Variants in CREBZF observed in about 807,000 individuals in gnomAD.
CREBZF encodes the protein HCF-binding transcription factor Zhangfei.
CREBZF carries 8 observed loss-of-function variants against 21.1 expected under a neutral mutation model. The ratio of observed to expected loss-of-function variants is 0.38; its 90% CI spans 0.22 to 0.68. The LOEUF is 0.68. Among genes scored for constraint, CREBZF ranks in the 30% least tolerant of loss-of-function variants. The pLI, the probability that CREBZF is intolerant of heterozygous loss-of-function variation, is 0.51. For missense variants in CREBZF, 518 were observed against 484.3 expected, an observed-to-expected ratio of 1.07 and a Z score of -0.65; for synonymous variants, 270 against 223.3, an observed-to-expected ratio of 1.21 and a Z score of -1.86.
At chr11:85,675,971 T>C (rs2082939620) in intron 1 of CREBZF, among the ~76,000 whole-genome samples, 2 of 152,352 alleles carry the variant, frequency 1.3e-5, no homozygotes, top group South Asian at 4.1e-4. Flanking sequence ...GTGTGCTAGC[T>C]GTATTATATT....
chr11:85,660,388 C>T lies in CREBZF; in HGVS notation c.*3423G>A. ...TTAGTCTCATGTATCTCTATTAAGT[C>T]TTTCAAGGATTCCAGAGAATCTTTT... On this transcript the variant is annotated 3_prime_UTR_variant, in exon 1 of 1. Coordinates refer to ENST00000527447, the MANE Select transcript of CREBZF (RefSeq NM_001039618.4). 1 of 290,256 alleles carries T rather than the reference C, an allele frequency of 3.4e-6. No individual in the cohort carries two copies. The highest frequency in any genetic ancestry group is 6.8e-6 in the Non-Finnish European group (1 of 147,974). 18.0% of individuals were successfully genotyped at this position (290,256 alleles called of 1,614,324 possible). A position where few individuals can be genotyped will look rare whatever the true frequency, so the allele number is the denominator to read the frequency against.
chr11:85,671,262 A>T (rs2082909630), intron 1 of CREBZF, among the ~76,000 whole-genome samples: 1 of 152,142 alleles, frequency 6.6e-6, no homozygotes, highest in Non-Finnish European at 1.5e-5. Context: ...AGCATAGAAA[A>T]ATTTGCCCCC....
rs1262133042 is a variant in CREBZF, at chr11:85,664,069, T to C, written c.807A>G (p.Ala269=). The change falls in exon 1 of 1, where the codon GCA becomes GCG. Residue 269 remains alanine (A), a synonymous_variant. Transcript: ENST00000527447. The surrounding 1 kb of genome is among the most constrained non-coding windows in gnomAD (Gnocchi z 5.5). ...ALQEESRYLR[A]VLANETGLAR... ...CCAGTCCAGTCTCGTTGGCTAAGAC[T>C]GCCCGTAGGTAGCGACTCTCCTCCT... 6.2e-7 allele frequency: 1 copy of C among 1,613,686 alleles called. No individual in the cohort carries two copies.
Position 85,663,633 on chromosome 11 carries a change from C to A in CREBZF, c.*178G>T. 1.3e-6 allele frequency: 2 copies of A among 1,582,446 alleles called. No homozygotes were observed. The highest frequency in any genetic ancestry group is 2.3e-5 in the East Asian group (1 of 43,124). On this transcript the variant is annotated 3_prime_UTR_variant, in exon 1 of 1. Transcript: ENST00000527447. Reference sequence around the variant, plus strand: ...GAGAGATTTAATAGTCACATGTTATCATTAGGAGTTGGTTACTGTGTCACA... The same window carrying A: ...GAGAGATTTAATAGTCACATGTTATAATTAGGAGTTGGTTACTGTGTCACA...
intron 1 of CREBZF, among the ~76,000 whole-genome samples, chr11:85,671,939 G>T (rs2082914524): frequency 6.6e-6 from 1 of 152,264 alleles, no homozygotes; most frequent in South Asian, 2.1e-4. Flanking sequence ...TGTGGACTCT[G>T]TGTGGGCATT....
At chr11:85,667,135 G>A (rs978173199), upstream of CREBZF, among the ~76,000 whole-genome samples, 3 of 152,302 alleles carry the variant, frequency 2.0e-5, no homozygotes, top group Admixed American at 6.5e-5. Context: ...CGAGGCAAGA[G>A]GATTGCCTGA....
chr11:85,677,945 G>T (rs1011476375), intron 1 of CREBZF, among the ~76,000 whole-genome samples: 2 of 152,158 alleles, frequency 1.3e-5, no homozygotes, highest in Non-Finnish European at 2.9e-5. Flanking sequence ...TTACTTAGGA[G>T]CCAATATGTT....
Position 85,661,972 on chromosome 11 carries a change from A to G in CREBZF, c.*1839T>C, listed in dbSNP as rs942434180. 1.3e-5 allele frequency: 2 copies of G among 148,494 alleles called. No individual in the cohort carries two copies. Among genetic ancestry groups the G allele is most frequent in the Admixed American group, 6.7e-5 (1 of 14,816 alleles). 9.2% of individuals were successfully genotyped at this position (148,494 alleles called of 1,614,324 possible). A position where few individuals can be genotyped will look rare whatever the true frequency, so the allele number is the denominator to read the frequency against. ...AACTACTTTTGGTTTATATATATAT[A>G]TATATATGTATATATATATATAATT... is the stretch of plus-strand genomic sequence containing the variant. On this transcript the variant is annotated 3_prime_UTR_variant, in exon 1 of 1. Coordinates refer to ENST00000527447, the MANE Select transcript of CREBZF (RefSeq NM_001039618.4).
chr11:85,667,623 G>T (rs965556089), upstream of CREBZF, among the ~76,000 whole-genome samples: 2 of 151,996 alleles, frequency 1.3e-5, no homozygotes, highest in Admixed American at 1.3e-4. Flanking sequence ...ACTAGGGGTG[G>T]AGTTGTAAAG....
intron 1 of CREBZF, among the ~76,000 whole-genome samples, chr11:85,673,556 G>T (rs780145010): frequency 6.6e-6 from 1 of 152,154 alleles, no homozygotes; most frequent in African/African-American, 2.4e-5. Context: ...CTTTTTGCTG[G>T]TGGAGGGTCT....
At chr11:85,665,160 G>T (rs532812096), upstream of CREBZF, 619 of 390,052 alleles carry the variant, frequency 1.6e-3, 1 homozygote, top group Admixed American at 2.2e-3. Context: ...CGCCCACCGC[G>T]TTTCGCGCGC....
upstream of CREBZF, among the ~76,000 whole-genome samples, chr11:85,665,863 C>T (rs1360337574): frequency 6.6e-6 from 1 of 152,146 alleles, no homozygotes; most frequent in Non-Finnish European, 1.5e-5. Context: ...AGAGGGTACT[C>T]ATGCTTGTAT....
rs2082578829 is a variant in CREBZF, at chr11:85,658,434, C to T, written c.*5377G>A. Among the ~76,000 whole-genome samples the T allele has an allele frequency of 6.6e-6, 1 of 151,968 alleles. No individual in the cohort carries two copies. The highest frequency in any genetic ancestry group is 2.1e-4 in the South Asian group (1 of 4,832). On this transcript the variant is annotated 3_prime_UTR_variant, in exon 1 of 1. Transcript: ENST00000527447. ...CTTTTCCATTAGCAGAAATGGGCAA[C>T]ATAAGCAATAAATCATGTTAAGTCT... is the stretch of plus-strand genomic sequence containing the variant.
chr11:85,668,959 G>T (rs543122298), upstream of CREBZF, among the ~76,000 whole-genome samples: 9 of 119,340 alleles, frequency 7.5e-5, no homozygotes, highest in South Asian at 2.0e-3. Flanking sequence ...CCGAGATCGC[G>T]CCACTGCACT....
chr11:85,676,040 T>C (rs755121107), intron 1 of CREBZF, among the ~76,000 whole-genome samples: 2 of 152,258 alleles, frequency 1.3e-5, no homozygotes, highest in Non-Finnish European at 2.9e-5. Flanking sequence ...ATGAGAATTA[T>C]ACTATTGTGG....
At chr11:85,682,385 C>T (rs1288412565) in intron 1 of CREBZF, among the ~76,000 whole-genome samples, 1 of 152,148 alleles carries the variant, frequency 6.6e-6, no homozygotes, top group Non-Finnish European at 1.5e-5. Flanking sequence ...GCTTTCTACT[C>T]TCATTTCCCA....
chr11:85,675,841 T>C (rs2082938741), intron 1 of CREBZF, among the ~76,000 whole-genome samples: 1 of 152,188 alleles, frequency 6.6e-6, no homozygotes, highest in African/African-American at 2.4e-5. Flanking sequence ...AGTGAGACCA[T>C]GAGGGGACAT....
Position 85,665,099 on chromosome 11 carries a change from C to T in CREBZF, c.-224G>A, listed in dbSNP as rs1014981737. 2 of 419,240 alleles carry T rather than the reference C, an allele frequency of 4.8e-6. No individual in the cohort carries two copies. The highest frequency in any genetic ancestry group is 2.3e-4 in the South Asian group (2 of 8,828). 26.0% of individuals were successfully genotyped at this position (419,240 alleles called of 1,614,324 possible). A position where few individuals can be genotyped will look rare whatever the true frequency, so the allele number is the denominator to read the frequency against. On this transcript the variant is annotated 5_prime_UTR_variant, in exon 1 of 1. Coordinates refer to ENST00000527447, the MANE Select transcript of CREBZF (RefSeq NM_001039618.4). ...GTGAGGCCCTGCGATGACTCGACCG[C>T]GCCACCCAGACAACGGCGTAGCCGG...
chr11:85,666,972 G>A (rs1026494670), upstream of CREBZF, among the ~76,000 whole-genome samples: 1 of 152,156 alleles, frequency 6.6e-6, no homozygotes, highest in African/African-American at 2.4e-5. Flanking sequence ...TGTTTTGTAT[G>A]GCTGGTAATC....
Sources: gnomAD v4.1 joint callset for allele counts (sites outside exome capture counted in the v4.1 genomes callset) on GRCh38, gnomAD v4.1.1 for gene constraint, Gnocchi (gnomAD v3.1) non-coding constraint, MANE v1.5 for transcripts, NCBI Gene and HGNC (gene_info 2026-07-23, HGNC 2026-07-21) for gene names.